ADGRG7: variants seen among roughly 807,000 people sequenced by gnomAD.
The protein encoded by ADGRG7 is adhesion G protein-coupled receptor G7.
In ADGRG7, 82 loss-of-function variants were observed where a neutral mutation model predicts 88.6. That is an observed-to-expected ratio of 0.93 (90% CI 0.77 to 1.11). The LOEUF (loss-of-function observed/expected upper bound fraction) is 1.11. Ranked by LOEUF, ADGRG7 falls within the 50% of genes most tolerant of loss-of-function variation. The pLI is 0.00. For missense variants in ADGRG7, 945 were observed against 953.4 expected, an observed-to-expected ratio of 0.99 and a Z score of 0.12; for synonymous variants, 381 against 345.2, an observed-to-expected ratio of 1.10 and a Z score of -1.15.
In ADGRG7 at chr3:100,630,766, A is replaced by G. The variant is rs114127284; in HGVS notation, c.291A>G (p.Arg97=). 300 of 1,487,376 alleles carry G rather than the reference A, an allele frequency of 2.0e-4. 1 individual carries two copies. The East Asian group carries it at 4.4e-3, about 22-fold the overall frequency. 92.1% of individuals were successfully genotyped at this position (1,487,376 alleles called of 1,614,324 possible). ...GFTFARIPVG[R]YGPSLQTCGK... ...CTTTTGCCAGAATCCCAGTGGGCAG[A>G]TATGGACCATCCTTGCAAACATGTG... The change falls in exon 3 of 16, where the codon AGA becomes AGG. Residue 97 remains arginine (R), a synonymous_variant. Transcript: ENST00000273352.
At chr3:100,659,886 C>G (rs1431482919) in intron 14 of ADGRG7, 43 bp downstream of exon 14, 1 of 1,590,364 alleles carries the variant, frequency 6.3e-7, no homozygotes, top group Non-Finnish European at 8.6e-7. Flanking sequence ...CAAGGCTCAT[C>G]CAGCACTTAA....
chr3:100,676,185 C>A (rs1170446300), intron 15 of ADGRG7, among the ~76,000 whole-genome samples: 1 of 151,886 alleles, frequency 6.6e-6, no homozygotes, highest in African/African-American at 2.4e-5. Context: ...TAAGATGCAT[C>A]ATTAGGTTGT....
chr3:100,680,031 T>C (rs1476277666), intron 15 of ADGRG7, among the ~76,000 whole-genome samples: 1 of 152,222 alleles, frequency 6.6e-6, no homozygotes, highest in African/African-American at 2.4e-5. Flanking sequence ...CACCTATCCT[T>C]ACCAATATTT....
At chr3:100,686,181 A>T (rs1431946798) in intron 15 of ADGRG7, among the ~76,000 whole-genome samples, 2 of 151,604 alleles carry the variant, frequency 1.3e-5, no homozygotes, top group Non-Finnish European at 2.9e-5. Context: ...TTCTTTTGAG[A>T]AGTGTCTGTT....
chr3:100,662,306 A>T (rs2149032224), intron 14 of ADGRG7, among the ~76,000 whole-genome samples: 1 of 152,290 alleles, frequency 6.6e-6, no homozygotes, highest in East Asian at 1.9e-4. Context: ...GTGCTGACAC[A>T]CATTTTGCCA....
chr3:100,652,164 G>T (rs2094930424), intron 11 of ADGRG7, among the ~76,000 whole-genome samples: 1 of 152,002 alleles, frequency 6.6e-6, no homozygotes, highest in African/African-American at 2.4e-5. Flanking sequence ...ACTTTTTGCA[G>T]TTCTGGTCAT....
chr3:100,653,508 C>T (rs575887107), intron 11 of ADGRG7, among the ~76,000 whole-genome samples: 3 of 152,266 alleles, frequency 2.0e-5, no homozygotes, highest in African/African-American at 7.2e-5. Context: ...CCATATAGGG[C>T]CTCTTCTACA....
intron 15 of ADGRG7, among the ~76,000 whole-genome samples, chr3:100,677,128 A>G (rs1220621364): frequency 6.6e-6 from 1 of 151,930 alleles, no homozygotes; most frequent in Non-Finnish European, 1.5e-5. Context: ...TACTTCTGCC[A>G]TTTTGTTACT....
chr3:100,615,625 T>A (rs1385412168), intron 1 of ADGRG7, among the ~76,000 whole-genome samples: 1 of 152,226 alleles, frequency 6.6e-6, no homozygotes, highest in Non-Finnish European at 1.5e-5. Flanking sequence ...GAAATGACTC[T>A]TGACTTACAG....
intron 1 of ADGRG7, among the ~76,000 whole-genome samples, chr3:100,621,536 C>T (rs1707311541): frequency 6.6e-6 from 1 of 152,158 alleles, no homozygotes; most frequent in Admixed American, 6.5e-5. Flanking sequence ...CAGAACAAGG[C>T]TCTAACTTGT....
intron 1 of ADGRG7, among the ~76,000 whole-genome samples, chr3:100,620,530 T>G (rs1707296564): frequency 6.6e-6 from 1 of 152,184 alleles, no homozygotes; most frequent in South Asian, 2.1e-4. Context: ...ACCACTCCTA[T>G]TCAACATAGT....
At chr3:100,626,574 C>A (rs1446721504) in intron 1 of ADGRG7, among the ~76,000 whole-genome samples, 2 of 152,164 alleles carry the variant, frequency 1.3e-5, no homozygotes, top group African/African-American at 4.8e-5. Context: ...ATCGTGAGGT[C>A]AGGAGTTCGA....
At chr3:100,640,214 C>T (rs1423055413) in intron 6 of ADGRG7, among the ~76,000 whole-genome samples, 1 of 152,222 alleles carries the variant, frequency 6.6e-6, no homozygotes, top group Non-Finnish European at 1.5e-5. Flanking sequence ...ACAACATTTG[C>T]TTTCCAAACT....
chr3:100,635,987 C>T (rs1358216292), intron 5 of ADGRG7, among the ~76,000 whole-genome samples, 161 bp downstream of exon 5: 1 of 152,152 alleles, frequency 6.6e-6, no homozygotes, highest in African/African-American at 2.4e-5. Context: ...CTGAGAGACG[C>T]TCAAAGATTA....
chr3:100,642,469 G>A (rs1303437527), intron 6 of ADGRG7, among the ~76,000 whole-genome samples: 1 of 152,104 alleles, frequency 6.6e-6, no homozygotes, highest in Non-Finnish European at 1.5e-5. Context: ...TTTAGTGTCA[G>A]AAATAAAGAT....
intron 4 of ADGRG7, 166 bp from the exon 5 acceptor site, chr3:100,635,511 C>T (rs1320874908): frequency 1.4e-6 from 2 of 1,415,808 alleles, no homozygotes; most frequent in African/African-American, 2.9e-5. Flanking sequence ...TCTGCATGTA[C>T]TTTGTCCTTT....
Position 100,643,314 on chromosome 3 carries a change from A to C in ADGRG7, c.747A>C (p.Ser249=), listed in dbSNP as rs768990409. 1 of 1,614,052 alleles carries C rather than the reference A, an allele frequency of 6.2e-7. No individual in the cohort carries two copies. The highest frequency in any genetic ancestry group is 8.5e-7 in the Non-Finnish European group (1 of 1,179,916). Residue 249 remains serine, a synonymous_variant, in exon 7 of 16, where the codon TCA becomes TCC. Coordinates refer to ENST00000273352, the MANE Select transcript of ADGRG7 (RefSeq NM_032787.3). ...ETYSLSLGNQ[S]VVEPNIAIQS... is the part of the protein sequence containing the mutation. Reference sequence around the variant, plus strand: ...ATTCCTTGTCTTTGGGTAATCAATCAGTGGTGGAACCTAACATAGCAATAC... The same window carrying C: ...ATTCCTTGTCTTTGGGTAATCAATCCGTGGTGGAACCTAACATAGCAATAC...
At chr3:100,640,475 T>C (rs1707622528) in intron 6 of ADGRG7, among the ~76,000 whole-genome samples, 2 of 152,268 alleles carry the variant, frequency 1.3e-5, no homozygotes. Flanking sequence ...TTTCTGCTGG[T>C]GAGGGCATCA....
At chr3:100,685,238 C>A (rs536771358) in intron 15 of ADGRG7, among the ~76,000 whole-genome samples, 1 of 152,278 alleles carries the variant, frequency 6.6e-6, no homozygotes, top group African/African-American at 2.4e-5. Flanking sequence ...ACATAAACTA[C>A]AAATTAGTTT....
Sources: gnomAD v4.1 joint callset for allele counts (sites outside exome capture counted in the v4.1 genomes callset) on GRCh38, gnomAD v4.1.1 for gene constraint, MANE v1.5 for transcripts, NCBI Gene and HGNC (gene_info 2026-07-23, HGNC 2026-07-21) for gene names.